Variants in TNPO1 observed in about 807,000 individuals in gnomAD.
TNPO1 encodes transportin 1, also known as transportin-1.
Under a neutral mutation model 119.5 loss-of-function variants are expected in TNPO1, and 8 were observed. That is an observed-to-expected ratio of 0.07 (90% confidence interval 0.04 to 0.12). The LOEUF (loss-of-function observed/expected upper bound fraction) is 0.12. TNPO1 is among the 10% of genes least tolerant of loss of function. TNPO1 has a pLI of 1.00. For missense variants in TNPO1, 576 were observed against 1,089.8 expected (o/e 0.53, Z 6.64); for synonymous variants, 362 against 363.0 (o/e 1.00, Z 0.03).
intron 5 of TNPO1, chr5:72,862,204 T>C: frequency 4.5e-6 from 1 of 223,890 alleles, no homozygotes; most frequent in Non-Finnish European, 9.0e-6. Context: ...TTGTCAAGCC[T>C]AATCAGTTAA....
intron 9 of TNPO1, chr5:72,878,883 G>C (rs922827235): frequency 2.0e-6 from 1 of 502,726 alleles, no homozygotes; most frequent in Non-Finnish European, 4.0e-6. Flanking sequence ...TCCTTGAGGG[G>C]TACAGCATCA....
At chr5:72,873,765 C>A (rs1457882380) in intron 7 of TNPO1, among the ~76,000 whole-genome samples, 1 of 152,060 alleles carries the variant, frequency 6.6e-6, no homozygotes, top group Admixed American at 6.6e-5. Context: ...CTTTATTTAA[C>A]TGATGTTTTC....
At chr5:72,846,096 G>A (rs1745113509) in intron 1 of TNPO1, among the ~76,000 whole-genome samples, 1 of 152,218 alleles carries the variant, frequency 6.6e-6, no homozygotes. Context: ...TGTGTGAATT[G>A]CGTAACTTTT....
At chr5:72,863,721 A>G (rs989343985) in intron 5 of TNPO1, among the ~76,000 whole-genome samples, 1 of 148,930 alleles carries the variant, frequency 6.7e-6, no homozygotes, top group African/African-American at 2.5e-5. Flanking sequence ...AGATTGCACC[A>G]CTGCACTCCA....
At chr5:72,865,041 A>AC (rs1322756404) in intron 5 of TNPO1, among the ~76,000 whole-genome samples, 1 of 152,248 alleles carries the variant, frequency 6.6e-6, no homozygotes, top group Non-Finnish European at 1.5e-5. Context: ...AATTCCTGCC[A>AC]ACCAAAATAT....
chr5:72,856,068 T>C, intron 4 of TNPO1, 145 bp downstream of exon 4: 1 of 861,254 alleles, frequency 1.2e-6, no homozygotes, highest in Non-Finnish European at 1.8e-6. Context: ...GCTTTTGAAA[T>C]GGTGTAATCA....
At chr5:72,883,996 C>T (rs1444344672) in intron 11 of TNPO1, among the ~76,000 whole-genome samples, 4 of 152,054 alleles carry the variant, frequency 2.6e-5, no homozygotes, top group Admixed American at 2.6e-4. Context: ...GCGATCCACC[C>T]GCCTTGCCCT....
chr5:72,873,575 A>G (rs1747559084), intron 7 of TNPO1, among the ~76,000 whole-genome samples: 1 of 152,136 alleles, frequency 6.6e-6, no homozygotes. Context: ...ACTGACTACT[A>G]CCTACTATGG....
chr5:72,834,593 G>C (rs1013994791), intron 1 of TNPO1, among the ~76,000 whole-genome samples: 12 of 152,222 alleles, frequency 7.9e-5, no homozygotes, highest in Non-Finnish European at 1.8e-4. Context: ...TTTTTGTATA[G>C]CTGTACAGTG....
chr5:72,904,883 G>A (rs1014374034), intron 23 of TNPO1, among the ~76,000 whole-genome samples: 4 of 152,152 alleles, frequency 2.6e-5, no homozygotes, highest in African/African-American at 9.7e-5. Context: ...CATGTGGTTG[G>A]GGAGGCCTCA....
At chr5:72,827,318 G>C (rs571285357) in intron 1 of TNPO1, among the ~76,000 whole-genome samples, 2 of 152,270 alleles carry the variant, frequency 1.3e-5, no homozygotes, top group South Asian at 4.1e-4. Flanking sequence ...TATAAGATCT[G>C]TGTGATAGGA....
intron 20 of TNPO1, among the ~76,000 whole-genome samples, chr5:72,897,956 A>G (rs1749554452): frequency 2.0e-5 from 3 of 152,108 alleles, no homozygotes; most frequent in Admixed American, 2.0e-4. Context: ...TGGTATTTTT[A>G]AATTATAGAA....
chr5:72,895,820 C>T (rs191387661), intron 18 of TNPO1, among the ~76,000 whole-genome samples: 162 of 152,178 alleles, frequency 1.1e-3, no homozygotes, highest in Non-Finnish European at 1.7e-3. Context: ...TCCTATCATC[C>T]TCCAAAGGTA....
chr5:72,830,292 G>T (rs890483737), intron 1 of TNPO1, among the ~76,000 whole-genome samples: 1 of 152,034 alleles, frequency 6.6e-6, no homozygotes, highest in East Asian at 1.9e-4. Flanking sequence ...TGTGATTCCC[G>T]TAGAGTTTAA....
At chr5:72,837,375 G>A (rs1171014212) in intron 1 of TNPO1, among the ~76,000 whole-genome samples, 1 of 152,192 alleles carries the variant, frequency 6.6e-6, no homozygotes, top group Non-Finnish European at 1.5e-5. Context: ...CATGGCTGAA[G>A]GGGAGCAGCA....
At chr5:72,848,810 C>T (rs1178649138) in intron 2 of TNPO1, among the ~76,000 whole-genome samples, 2 of 149,364 alleles carry the variant, frequency 1.3e-5, no homozygotes, top group African/African-American at 4.9e-5. Context: ...GCGGGCCGGG[C>T]CGCCACGTCC....
At chr5:72,856,698 CA>C (rs1746028497) in intron 4 of TNPO1, among the ~76,000 whole-genome samples, 3 of 152,202 alleles carry the variant, frequency 2.0e-5, no homozygotes, top group Admixed American at 1.3e-4. Context: ...AGTAATTCAG[CA>C]GCAACTTTTT....
chr5:72,843,971 T>C (rs1438809816), intron 1 of TNPO1, among the ~76,000 whole-genome samples: 1 of 152,242 alleles, frequency 6.6e-6, no homozygotes, highest in Non-Finnish European at 1.5e-5. Flanking sequence ...ATATTTTACT[T>C]ATCTTTGAAT....
At position 72,908,959 on chromosome 5, in the gene TNPO1, ATCTAT is replaced by A. The variant is rs940996850; in HGVS notation, c.*289_*293del. On this transcript the variant is annotated 3_prime_UTR_variant, in exon 25 of 25. Coordinates refer to ENST00000337273, the MANE Select transcript of TNPO1 (RefSeq NM_002270.4). Reference sequence around the variant, plus strand: ...GATGTGAAGAAGCAAAAAAAAAAAAATCTATTCAGTCTACTCACAAAACAGTACAT... The same window carrying A: ...GATGTGAAGAAGCAAAAAAAAAAAAATCAGTCTACTCACAAAACAGTACAT... 19 of 445,488 alleles carry A rather than the reference ATCTAT, an allele frequency of 4.3e-5. No homozygotes were observed. The highest frequency in any genetic ancestry group is 2.8e-4 in the African/African-American group (14 of 49,274). The allele number at this position is 445,488 out of a possible 1,614,324, so 27.6% of individuals were successfully genotyped here. A position where few individuals can be genotyped will look rare whatever the true frequency, so the allele number is the denominator to read the frequency against.
Sources: gnomAD v4.1 joint callset for allele counts (sites outside exome capture counted in the v4.1 genomes callset) on GRCh38, gnomAD v4.1.1 for gene constraint, MANE v1.5 for transcripts, NCBI Gene and HGNC (gene_info 2026-07-23, HGNC 2026-07-21) for gene names.